Variants in PLAC1 observed in about 807,000 individuals in gnomAD.
PLAC1 encodes the protein placenta associated 1.
For synonymous variants in PLAC1, 68 were observed against 62.1 expected, an observed-to-expected ratio of 1.09 and a Z score of -0.44; for missense variants, 136 against 163.2, an observed-to-expected ratio of 0.83 and a Z score of 0.91.
rs140197309 is a variant in PLAC1, at chrX:134,566,635, C to T, written c.48G>A (p.Ala16=). 22 of 1,205,659 alleles carry T rather than the reference C, an allele frequency of 1.8e-5. No homozygotes were observed. The highest frequency in any genetic ancestry group is 3.5e-5 in the South Asian group (2 of 56,708). The change falls in exon 3 of 3, where the codon GCG becomes GCA. Residue 16 remains alanine, a synonymous_variant. Coordinates refer to ENST00000359237, the MANE Select transcript of PLAC1 (RefSeq NM_021796.4). ...FIGLMILLTS[A]FSAGSGQSPM... is the part of the protein sequence containing the mutation. The stretch of plus-strand genomic sequence containing the variant: ...GACTTTGTCCTGAACCGGCTGAAAA[C>T]GCAGAGGTGAGGAGGATCATCAGTC...
intron 1 of PLAC1, among the ~76,000 whole-genome samples, chrX:134,643,926 A>G (rs2078318645): frequency 1.5e-5 from 1 of 65,350 alleles, no homozygotes; most frequent in Non-Finnish European, 3.4e-5. Flanking sequence ...CTTATCTGTA[A>G]AAGAGGAATA....
At chrX:134,714,163 C>T (rs1191501588) in intron 2 of PLAC1, among the ~76,000 whole-genome samples, 1 of 112,059 alleles carries the variant, frequency 8.9e-6, no homozygotes. Context: ...AGCTGTGGCC[C>T]AAGTGGGCTT....
chrX:134,675,427 A>G (rs1481693300), intron 2 of PLAC1, among the ~76,000 whole-genome samples: 2 of 112,207 alleles, frequency 1.8e-5, no homozygotes, highest in African/African-American at 6.5e-5. Context: ...GCATTTCGGG[A>G]GGCCGAGGCG....
intron 1 of PLAC1, among the ~76,000 whole-genome samples, chrX:134,652,914 G>A (rs897336304): frequency 8.9e-6 from 1 of 111,967 alleles, no homozygotes; most frequent in Admixed American, 9.4e-5. Flanking sequence ...CAGATGTGAG[G>A]TCCGCGGCTG....
At chrX:134,655,911 G>A (rs778139732) in intron 1 of PLAC1, among the ~76,000 whole-genome samples, 3 of 111,632 alleles carry the variant, frequency 2.7e-5, no homozygotes, top group Non-Finnish European at 5.6e-5. Context: ...TAATCATCCC[G>A]CTGTCCTTCT....
chrX:134,700,192 T>A (rs763592428), intron 2 of PLAC1, among the ~76,000 whole-genome samples: 2 of 112,077 alleles, frequency 1.8e-5, no homozygotes, highest in South Asian at 7.5e-4. Context: ...TGAAATTAAC[T>A]ATCTGGTTTA....
intron 2 of PLAC1, chrX:134,601,407 G>C (rs2078088474): frequency 8.9e-6 from 1 of 111,979 alleles, no homozygotes; most frequent in Non-Finnish European, 1.9e-5. Flanking sequence ...ACATTGTTAA[G>C]GCTTTCGAGC....
At position 134,696,078 on chromosome X, in the gene PLAC1, CA is replaced by C. The variant is rs199631547; in HGVS notation, n.174+37356del. Among the ~76,000 whole-genome samples, 6 of 110,630 alleles carry C rather than the reference CA, an allele frequency of 5.4e-5. No homozygotes were observed. The East Asian group carries it at 1.1e-3, about 21-fold the overall frequency. On this transcript the variant is annotated intron_variant and non_coding_transcript_variant, in intron 2 of 2. Coordinates refer to the PLAC1 transcript ENST00000466797. Reference sequence around the variant, plus strand: ...ATGCAATATTTGGGATATACTTATACAAAAAAAATCCATTGGTTATCCAAAA... The same window carrying C: ...ATGCAATATTTGGGATATACTTATACAAAAAAATCCATTGGTTATCCAAAA...
chrX:134,680,583 CT>C (rs1382594854), intron 2 of PLAC1, among the ~76,000 whole-genome samples: 4 of 104,222 alleles, frequency 3.8e-5, no homozygotes, highest in Non-Finnish European at 8.0e-5. Context: ...CTAAACTAAA[CT>C]AAACTAAACT....
chrX:134,707,065 A>G (rs2147831387), intron 2 of PLAC1, among the ~76,000 whole-genome samples: 1 of 112,204 alleles, frequency 8.9e-6, no homozygotes, highest in East Asian at 2.8e-4. Context: ...AGGTTCAAAA[A>G]GCTGAGTAAA....
chrX:134,674,747 G>GA (rs2078467575), intron 2 of PLAC1, among the ~76,000 whole-genome samples: 2 of 112,413 alleles, frequency 1.8e-5, no homozygotes, highest in South Asian at 3.7e-4. Context: ...GGATGTGGAA[G>GA]AAACTATTTT....
intron 1 of PLAC1, among the ~76,000 whole-genome samples, chrX:134,657,632 C>T (rs1021083067): frequency 5.4e-5 from 6 of 110,935 alleles, no homozygotes; most frequent in Non-Finnish European, 9.4e-5. Context: ...GAATGTCCAC[C>T]CTGAGAGTAA....
intron 2 of PLAC1, among the ~76,000 whole-genome samples, chrX:134,687,950 G>C: frequency 9.9e-6 from 1 of 100,802 alleles, no homozygotes; most frequent in Middle Eastern, 4.9e-3. Flanking sequence ...TCACAGTGGG[G>C]ACCTGGAGCT....
chrX:134,681,198 T>G (rs181770907), intron 2 of PLAC1, among the ~76,000 whole-genome samples: 4 of 111,671 alleles, frequency 3.6e-5, no homozygotes, highest in African/African-American at 1.3e-4. Flanking sequence ...TATTAATTAG[T>G]GGCCCTTAAC....
intron 1 of PLAC1, among the ~76,000 whole-genome samples, chrX:134,752,248 G>GTT (rs111581970): frequency 3.7e-5 from 4 of 108,874 alleles, no homozygotes; most frequent in African/African-American, 1.4e-4. Flanking sequence ...TTCTTTGTTT[G>GTT]TTTTTTTTTA....
intron 1 of PLAC1, among the ~76,000 whole-genome samples, chrX:134,631,186 G>C (rs2078259637): frequency 8.9e-6 from 1 of 112,952 alleles, no homozygotes; most frequent in African/African-American, 3.2e-5. Flanking sequence ...AAATGCCACT[G>C]AATTATGCAC....
Position 134,566,518 on chromosome X carries a change from T to C in PLAC1, c.165A>G (p.Leu55=). The change falls in exon 3 of 3, where the codon CTA becomes CTG. Residue 55 remains leucine, a synonymous_variant. Coordinates refer to ENST00000359237, the MANE Select transcript of PLAC1 (RefSeq NM_021796.4). ...TTGGGGGGCAACCCAGGCCCAAGTG[T>C]AGTTCATGAAAGTGTACACACACAT... ...NNDVCVHFHE[L]HLGLGCPPNH... is the part of the protein sequence containing the mutation. The C allele has an allele frequency of 2.5e-6, 3 of 1,211,763 alleles. No individual in the cohort carries two copies. Among genetic ancestry groups the C allele is most frequent in the Non-Finnish European group, 3.4e-6 (3 of 895,395 alleles).
chrX:134,655,256 A>G (rs761407345), intron 1 of PLAC1, among the ~76,000 whole-genome samples: 7 of 110,347 alleles, frequency 6.3e-5, no homozygotes, highest in African/African-American at 2.3e-4. Flanking sequence ...ATGAACATAC[A>G]TATAACCACC....
intron 2 of PLAC1, among the ~76,000 whole-genome samples, chrX:134,674,104 C>G (rs978955716): frequency 1.8e-5 from 2 of 112,646 alleles, no homozygotes; most frequent in African/African-American, 6.5e-5. Flanking sequence ...CTTGGCCCAA[C>G]AGCCCACTTG....
Sources: gnomAD v4.1 joint callset for allele counts (sites outside exome capture counted in the v4.1 genomes callset) on GRCh38, gnomAD v4.1.1 for gene constraint, MANE v1.5 for transcripts, NCBI Gene and HGNC (gene_info 2026-07-23, HGNC 2026-07-21) for gene names.